Variants in SH3GL2 observed in about 807,000 individuals in gnomAD.
SH3GL2 encodes SH3 domain containing GRB2 like 2, endophilin A1, also known as endophilin-A1.
Under a neutral mutation model 46.0 loss-of-function variants are expected in SH3GL2, and 24 were observed. The observed-to-expected ratio is 0.52, with a 90% CI of 0.38 to 0.73. The LOEUF (loss-of-function observed/expected upper bound fraction) is 0.73, where lower values mean the gene tolerates loss of function less well. SH3GL2 is among the 30% of genes least tolerant of loss of function. The pLI, the probability that SH3GL2 is intolerant of heterozygous loss-of-function variation, is 0.00. For missense variants in SH3GL2, 413 were observed against 424.2 expected, an observed-to-expected ratio of 0.97 and a Z score of 0.23; for synonymous variants, 196 against 147.1, an observed-to-expected ratio of 1.33 and a Z score of -2.40.
At position 17,616,633 on chromosome 9, in the gene SH3GL2, A is replaced by G. The variant is rs73641999; in HGVS notation, c.45+37346A>G. Among the ~76,000 whole-genome samples, 666 of 152,332 alleles carry G rather than the reference A, an allele frequency of 4.4e-3. 5 individuals carry two copies. Among genetic ancestry groups the G allele is most frequent in the African/African-American group, 0.015 (628 of 41,574 alleles). On this transcript the variant is annotated intron_variant, in intron 1 of 8. Transcript: ENST00000380607. ...GAATCTTTTGAAATCATGCAGGGGA[A>G]CAAAATATTGTTACTGCCTTATCAA...
chr9:17,722,178 T>A (rs1821911798), intron 1 of SH3GL2, among the ~76,000 whole-genome samples: 1 of 152,048 alleles, frequency 6.6e-6, no homozygotes, highest in African/African-American at 2.4e-5. Context: ...GAAGTGTGGC[T>A]TTTTGGGCTT....
intron 2 of SH3GL2, among the ~76,000 whole-genome samples, chr9:17,757,013 C>T (rs1390836517): frequency 6.6e-6 from 1 of 152,160 alleles, no homozygotes; most frequent in African/African-American, 2.4e-5. Flanking sequence ...TTAATGATTA[C>T]CATTCTAACT....
intron 1 of SH3GL2, among the ~76,000 whole-genome samples, chr9:17,627,877 A>ATT (rs1165887433): frequency 2.0e-5 from 3 of 152,192 alleles, no homozygotes; most frequent in Non-Finnish European, 4.4e-5. Context: ...GTGACTCAAT[A>ATT]TAACAGTGGT....
At chr9:17,701,944 C>G (rs1821351348) in intron 1 of SH3GL2, among the ~76,000 whole-genome samples, 1 of 151,442 alleles carries the variant, frequency 6.6e-6, no homozygotes, top group African/African-American at 2.4e-5. Flanking sequence ...GTAAGATAAG[C>G]CTATTATAAA....
At position 17,747,052 on chromosome 9, in the gene SH3GL2, G is replaced by T. The variant is rs1170084746; in HGVS notation, c.46-14G>T. 5 of 1,567,728 alleles carry T rather than the reference G, an allele frequency of 3.2e-6. No homozygotes were observed. The highest frequency in any genetic ancestry group is 4.5e-5 in the East Asian group (2 of 44,518). On this transcript the variant is annotated splice_polypyrimidine_tract_variant and intron_variant, in intron 1 of 8. Coordinates refer to ENST00000380607, the MANE Select transcript of SH3GL2 (RefSeq NM_003026.5). ...CTGTTTATAATAATTCTCCTTTGTG[G>T]TTATTTTCTACAGAAAGTGAGTGAG...
chr9:17,690,533 C>A (rs773218981), intron 1 of SH3GL2, among the ~76,000 whole-genome samples: 4 of 152,024 alleles, frequency 2.6e-5, no homozygotes, highest in Non-Finnish European at 4.4e-5. Flanking sequence ...TCGCCTCATT[C>A]TGCTCAAAAA....
At chr9:17,678,922 G>T (rs1322537225) in intron 1 of SH3GL2, among the ~76,000 whole-genome samples, 1 of 152,078 alleles carries the variant, frequency 6.6e-6, no homozygotes, top group East Asian at 1.9e-4. Flanking sequence ...TGTCAGATTT[G>T]TCAAAGATCA....
chr9:17,740,438 T>A (rs561893108), intron 1 of SH3GL2, among the ~76,000 whole-genome samples: 1 of 137,620 alleles, frequency 7.3e-6, no homozygotes, highest in East Asian at 1.9e-4. Context: ...CTCTCCTGTT[T>A]CCCTCTAAGT....
rs187239991 is a variant in SH3GL2, at chr9:17,646,935, G to A, written c.45+67648G>A. 5.1e-3 allele frequency among the ~76,000 whole-genome samples: 774 copies of A among 152,284 alleles called. 1 individual carries two copies. Among genetic ancestry groups the A allele is most frequent in the Non-Finnish European group, 8.3e-3 (565 of 68,028 alleles). ...GTGATCCACTGCTCTCTTCAGAGCC[G>A]GCAGGCAGAGACGTTTAAAACTGCT... On this transcript the variant is annotated intron_variant, in intron 1 of 8. Coordinates refer to ENST00000380607, the MANE Select transcript of SH3GL2 (RefSeq NM_003026.5).
chr9:17,749,714 A>C lies in SH3GL2; in HGVS notation c.114+2580A>C, dbSNP rs894565024. Among the ~76,000 whole-genome samples, 5 of 152,220 alleles carry C rather than the reference A, an allele frequency of 3.3e-5. No homozygotes were observed. The East Asian group carries it at 9.6e-4, about 29-fold the overall frequency. ...GAGTAGAATTTATCACTGAGCAACT[A>C]ATTAGACCTTTGGAGATTTATTTTG... On this transcript the variant is annotated intron_variant, in intron 2 of 8. Transcript: ENST00000380607.
At chr9:17,658,215 AC>A (rs771308306) in intron 1 of SH3GL2, among the ~76,000 whole-genome samples, 5 of 152,188 alleles carry the variant, frequency 3.3e-5, no homozygotes, top group Non-Finnish European at 7.3e-5. Context: ...TTAATTAAAA[AC>A]CCCAGTCTAG....
chr9:17,680,884 T>C (rs974901090), intron 1 of SH3GL2, among the ~76,000 whole-genome samples: 3 of 152,170 alleles, frequency 2.0e-5, no homozygotes, highest in East Asian at 3.8e-4. Flanking sequence ...CATTTCGTTA[T>C]GTACCCAGTA....
At chr9:17,695,086 C>G (rs930800377) in intron 1 of SH3GL2, among the ~76,000 whole-genome samples, 4 of 152,048 alleles carry the variant, frequency 2.6e-5, no homozygotes, top group African/African-American at 9.7e-5. Flanking sequence ...GGAGGGAATA[C>G]AAGAGAAGAA....
intron 1 of SH3GL2, among the ~76,000 whole-genome samples, chr9:17,632,217 T>G (rs1819443272): frequency 6.6e-6 from 1 of 152,148 alleles, no homozygotes; most frequent in African/African-American, 2.4e-5. Context: ...AAAAATAAAG[T>G]GAAATACTAC....
At chr9:17,747,168 A>G (rs1054743530) in intron 2 of SH3GL2, 34 bp downstream of exon 2, 4 of 1,384,162 alleles carry the variant, frequency 2.9e-6, no homozygotes, top group African/African-American at 2.9e-5. Context: ...GTTCCCTTTG[A>G]CATAAACATG....
intron 3 of SH3GL2, among the ~76,000 whole-genome samples, chr9:17,762,822 T>C (rs1823216151): frequency 6.6e-6 from 1 of 152,222 alleles, no homozygotes; most frequent in Admixed American, 6.5e-5. Context: ...ATCTCTTGGA[T>C]GCACATTTAT....
intron 1 of SH3GL2, among the ~76,000 whole-genome samples, chr9:17,667,198 C>G (rs960869279): frequency 6.6e-6 from 1 of 151,914 alleles, no homozygotes; most frequent in Non-Finnish European, 1.5e-5. Context: ...GTCGTGTATT[C>G]TTTTTTGATT....
intron 1 of SH3GL2, among the ~76,000 whole-genome samples, chr9:17,743,980 G>A (rs762302522): frequency 2.0e-5 from 3 of 152,296 alleles, no homozygotes; most frequent in South Asian, 4.1e-4. Context: ...GTCACATGAA[G>A]GGGTCTATCT....
intron 1 of SH3GL2, among the ~76,000 whole-genome samples, chr9:17,678,947 TG>T (rs1678786258): frequency 6.6e-6 from 1 of 152,160 alleles, no homozygotes; most frequent in African/African-American, 2.4e-5. Flanking sequence ...GTTGTAGATG[TG>T]TGATATTATT....
Sources: allele counts gnomAD v4.1 joint callset (sites outside exome capture counted in the v4.1 genomes callset), GRCh38; gene constraint gnomAD v4.1.1; transcripts MANE v1.5; gene names NCBI Gene and HGNC (gene_info 2026-07-23, HGNC 2026-07-21).